The following RBMS3 variants were observed in gnomAD, a reference collection of about 807,000 sequenced individuals.
RBMS3 encodes the protein RNA-binding motif, single-stranded-interacting protein 3.
Under a neutral mutation model 66.8 loss-of-function variants are expected in RBMS3, and 27 were observed. The ratio of observed to expected loss-of-function variants is 0.40; its 90% CI spans 0.30 to 0.56. The LOEUF is 0.56. Ranked by LOEUF, RBMS3 falls within the 20% of genes least tolerant of loss-of-function variation. The probability of loss-of-function intolerance (pLI) is 0.40; values close to 1 mark genes in which losing one functional copy is unlikely to be tolerated. For synonymous variants in RBMS3, 188 were observed against 183.0 expected (o/e 1.03, Z -0.22); for missense variants, 513 against 549.5 (o/e 0.93, Z 0.66).
intron 1 of RBMS3, among the ~76,000 whole-genome samples, chr3:29,309,493 T>A (rs2034237663): frequency 1.3e-5 from 2 of 151,736 alleles, no homozygotes; most frequent in African/African-American, 4.8e-5. Context: ...GGCACTATGA[T>A]GTATTTTGTC....
intron 3 of RBMS3, among the ~76,000 whole-genome samples, chr3:29,497,671 C>T (rs575019695): frequency 3.9e-4 from 59 of 152,256 alleles, no homozygotes; most frequent in Middle Eastern, 3.4e-3. Context: ...GTGCAAAGAT[C>T]TAAGGATACC....
intron 2 of RBMS3, among the ~76,000 whole-genome samples, chr3:29,446,050 T>G (rs2041819645): frequency 6.6e-6 from 1 of 152,168 alleles, no homozygotes; most frequent in Non-Finnish European, 1.5e-5. Flanking sequence ...CCGCAGAGAT[T>G]TTTTAAAATA....
chr3:29,808,576 T>G (rs1253536681), intron 6 of RBMS3, among the ~76,000 whole-genome samples: 4 of 151,980 alleles, frequency 2.6e-5, no homozygotes, highest in Non-Finnish European at 5.9e-5. Flanking sequence ...GGATCAGATC[T>G]TCTGATCAGA....
chr3:29,736,435 G>A lies in RBMS3; in HGVS notation c.400-3285G>A, dbSNP rs549868136. Among the ~76,000 whole-genome samples the A allele has an allele frequency of 1.2e-4, 19 of 152,308 alleles. No individual in the cohort carries two copies. In the South Asian group the frequency reaches 1.5e-3, roughly 12 times the overall value. Reference sequence around the variant, plus strand: ...AGCTGCAATGCATTCAATACTCAGGGAATTTGGAAATGATTTTGAATTTGG... The same window carrying A: ...AGCTGCAATGCATTCAATACTCAGGAAATTTGGAAATGATTTTGAATTTGG... On this transcript the variant is annotated intron_variant, in intron 4 of 14. Transcript: ENST00000383767.
intron 7 of RBMS3, among the ~76,000 whole-genome samples, chr3:29,877,177 A>G (rs2059629364): frequency 6.6e-6 from 1 of 152,200 alleles, no homozygotes; most frequent in Admixed American, 6.5e-5. Context: ...TGAGACAAAC[A>G]TTTGGGAATC....
In RBMS3 at chr3:30,006,557, T is replaced by A. The variant is rs1699807177; in HGVS notation, c.*2695T>A. ...TGCATTATAAAGGTGGCACTTAAGT[T>A]TTTATCTTTGAAAAGTGGGCCCCAA... On this transcript the variant is annotated 3_prime_UTR_variant, in exon 15 of 15. Coordinates refer to ENST00000383767, the MANE Select transcript of RBMS3 (RefSeq NM_001003793.3). The A allele has an allele frequency of 6.6e-6, 1 of 151,918 alleles. No homozygotes were observed. The highest frequency in any genetic ancestry group is 2.4e-5 in the African/African-American group (1 of 41,414). The allele number at this position is 151,918 out of a possible 1,614,324, so 9.4% of individuals were successfully genotyped here. A position where few individuals can be genotyped will look rare whatever the true frequency, so the allele number is the denominator to read the frequency against.
At chr3:29,430,637 G>T (rs1311916390) in intron 1 of RBMS3, among the ~76,000 whole-genome samples, 5 of 152,180 alleles carry the variant, frequency 3.3e-5, no homozygotes, top group East Asian at 3.9e-4. Context: ...GGGGGGAAAA[G>T]AATTAAGTAA....
At chr3:29,409,485 T>C (rs918149530) in intron 1 of RBMS3, among the ~76,000 whole-genome samples, 3 of 152,244 alleles carry the variant, frequency 2.0e-5, no homozygotes, top group Admixed American at 6.5e-5. Flanking sequence ...CCAAAGCTTG[T>C]CTGAGTAAAT....
At chr3:29,548,426 T>C (rs1294858843) in intron 3 of RBMS3, among the ~76,000 whole-genome samples, 1 of 146,340 alleles carries the variant, frequency 6.8e-6, no homozygotes, top group Non-Finnish European at 1.5e-5. Context: ...TGAGACTCTG[T>C]CTCTTAAAAA....
intron 2 of RBMS3, among the ~76,000 whole-genome samples, chr3:29,441,178 T>C (rs2041606953): frequency 6.6e-6 from 1 of 152,184 alleles, no homozygotes; most frequent in Non-Finnish European, 1.5e-5. Context: ...CCTGCCTTTG[T>C]GTATTTTAAA....
intron 4 of RBMS3, among the ~76,000 whole-genome samples, chr3:29,669,773 TTTG>T (rs753166116): frequency 3.3e-5 from 5 of 152,096 alleles, no homozygotes; most frequent in South Asian, 2.1e-4. Flanking sequence ...CAGTGCTAGT[TTTG>T]TTGTTGTTTT....
intron 10 of RBMS3, among the ~76,000 whole-genome samples, chr3:29,912,499 T>A (rs1314845969): frequency 6.6e-6 from 1 of 152,110 alleles, no homozygotes. Flanking sequence ...ATTTCTCTTA[T>A]GTTCATAATG....
chr3:29,544,731 C>G (rs766605309), intron 3 of RBMS3, among the ~76,000 whole-genome samples: 1 of 121,538 alleles, frequency 8.2e-6, no homozygotes, highest in East Asian at 2.2e-4. Flanking sequence ...TTGATGATAG[C>G]CTTTTATGAC....
At chr3:29,865,918 C>A (rs1007785267) in intron 6 of RBMS3, among the ~76,000 whole-genome samples, 1 of 151,860 alleles carries the variant, frequency 6.6e-6, no homozygotes, top group Admixed American at 6.6e-5. Context: ...GGTGTGTGAC[C>A]CGTAGCGAGC....
chr3:29,652,573 A>G (rs2050184291), intron 4 of RBMS3, among the ~76,000 whole-genome samples: 1 of 152,120 alleles, frequency 6.6e-6, no homozygotes, highest in Non-Finnish European at 1.5e-5. Flanking sequence ...TCTCACATGC[A>G]TAGAATCAGA....
chr3:29,782,998 A>T (rs1043958728), intron 6 of RBMS3, among the ~76,000 whole-genome samples: 22 of 152,002 alleles, frequency 1.4e-4, no homozygotes, highest in Non-Finnish European at 2.8e-4. Context: ...AAAAGAATTT[A>T]AAAAAAAGAA....
At chr3:29,316,949 C>A (rs1423117635) in intron 1 of RBMS3, among the ~76,000 whole-genome samples, 2 of 151,672 alleles carry the variant, frequency 1.3e-5, no homozygotes, top group Admixed American at 6.6e-5. Flanking sequence ...TATTGACATA[C>A]CAGCATAAAA....
At chr3:29,593,746 T>C (rs554123564) in intron 4 of RBMS3, among the ~76,000 whole-genome samples, 2 of 152,344 alleles carry the variant, frequency 1.3e-5, no homozygotes, top group South Asian at 4.1e-4. Flanking sequence ...TCGCAACACA[T>C]TTATGTTGAA....
chr3:29,588,144 A>C (rs899285475), intron 4 of RBMS3, among the ~76,000 whole-genome samples: 6 of 152,088 alleles, frequency 3.9e-5, no homozygotes, highest in Admixed American at 3.9e-4. Flanking sequence ...AAAAGTCAAA[A>C]CAATTGTTTA....
Sources: gnomAD v4.1 joint callset for allele counts (sites outside exome capture counted in the v4.1 genomes callset) on GRCh38, gnomAD v4.1.1 for gene constraint, MANE v1.5 for transcripts, NCBI Gene and HGNC (gene_info 2026-07-23, HGNC 2026-07-21) for gene names.